Variants in UBE2E2 observed in about 807,000 individuals in gnomAD.
UBE2E2 encodes the protein ubiquitin-conjugating enzyme E2 E2.
A neutral mutation model predicts 24.7 loss-of-function variants in UBE2E2; 6 were observed. That is an observed-to-expected ratio of 0.24 (90% CI 0.13 to 0.48). The LOEUF (loss-of-function observed/expected upper bound fraction) is 0.48, where lower values mean the gene tolerates loss of function less well. Among genes scored for constraint, UBE2E2 ranks in the 20% least tolerant of loss-of-function variants. UBE2E2 has a pLI of 0.99. For missense variants in UBE2E2, 169 were observed against 245.0 expected (o/e 0.69, Z 2.07); for synonymous variants, 104 against 83.6 (o/e 1.24, Z -1.33).
intron 5 of UBE2E2, among the ~76,000 whole-genome samples, chr3:23,564,146 T>G (rs1189574352): frequency 6.6e-6 from 1 of 152,028 alleles, no homozygotes; most frequent in African/African-American, 2.4e-5. Flanking sequence ...GATTTACAAG[T>G]AAAAATATAA....
chr3:23,235,828 TGGACA>T (rs923209583), intron 3 of UBE2E2, among the ~76,000 whole-genome samples: 1 of 152,114 alleles, frequency 6.6e-6, no homozygotes, highest in Non-Finnish European at 1.5e-5. Flanking sequence ...AGTGGTTTGA[TGGACA>T]GGATCAAGAG....
intron 3 of UBE2E2, among the ~76,000 whole-genome samples, chr3:23,424,817 C>T (rs1348381054): frequency 4.6e-5 from 7 of 151,958 alleles, no homozygotes; most frequent in East Asian, 3.9e-4. Context: ...TAACTGGTAG[C>T]GTTTATTTTA....
chr3:23,290,462 A>G (rs1403749918), intron 3 of UBE2E2, among the ~76,000 whole-genome samples: 1 of 152,112 alleles, frequency 6.6e-6, no homozygotes, highest in Non-Finnish European at 1.5e-5. Flanking sequence ...ATGCCAATGT[A>G]GGTTTGAGGA....
intron 3 of UBE2E2, among the ~76,000 whole-genome samples, chr3:23,259,053 T>C (rs1559459897): frequency 6.6e-6 from 1 of 152,190 alleles, no homozygotes; most frequent in Non-Finnish European, 1.5e-5. Context: ...ACCAATTTTA[T>C]ACAGGTGAAT....
At chr3:23,350,709 A>T (rs977335239) in intron 3 of UBE2E2, among the ~76,000 whole-genome samples, 1 of 152,224 alleles carries the variant, frequency 6.6e-6, no homozygotes, top group African/African-American at 2.4e-5. Flanking sequence ...AGATATGAAC[A>T]AAGCCTCCAA....
chr3:23,389,238 G>A (rs959885370), intron 3 of UBE2E2, among the ~76,000 whole-genome samples: 2 of 152,208 alleles, frequency 1.3e-5, no homozygotes, highest in East Asian at 1.9e-4. Context: ...GCAATCCTGC[G>A]GAGCACCACC....
At chr3:23,538,610 A>G (rs1023155342) in intron 5 of UBE2E2, among the ~76,000 whole-genome samples, 4 of 152,128 alleles carry the variant, frequency 2.6e-5, no homozygotes, top group African/African-American at 9.7e-5. Flanking sequence ...CCATAGGCTT[A>G]CTCAGATGCA....
chr3:23,215,442 C>T (rs1229083593), intron 2 of UBE2E2, among the ~76,000 whole-genome samples: 1 of 152,096 alleles, frequency 6.6e-6, no homozygotes, highest in Admixed American at 6.6e-5. Flanking sequence ...TCAAATCTTT[C>T]TCTCCCCACC....
At chr3:23,334,171 A>C (rs1695143231) in intron 3 of UBE2E2, among the ~76,000 whole-genome samples, 1 of 152,230 alleles carries the variant, frequency 6.6e-6, no homozygotes, top group African/African-American at 2.4e-5. Context: ...GGTTTTTGCC[A>C]TTAAAAGTAA....
chr3:23,236,229 G>A (rs34919006), intron 3 of UBE2E2, among the ~76,000 whole-genome samples: 95,683 of 151,992 alleles, frequency 0.63, 30,572 homozygotes, highest in African/African-American at 0.69. Flanking sequence ...AAGTGAATAC[G>A]AAAGTAGAAT....
intron 3 of UBE2E2, among the ~76,000 whole-genome samples, chr3:23,477,598 G>C (rs528682903): frequency 6.6e-6 from 1 of 152,330 alleles, no homozygotes; most frequent in African/African-American, 2.4e-5. Context: ...GGATATATTT[G>C]TTGAATATAT....
chr3:23,414,504 C>T (rs1697577506), intron 3 of UBE2E2, among the ~76,000 whole-genome samples: 1 of 152,178 alleles, frequency 6.6e-6, no homozygotes, highest in Non-Finnish European at 1.5e-5. Flanking sequence ...GCCCCACCTC[C>T]AACAATGGGG....
chr3:23,274,964 C>T lies in UBE2E2; in HGVS notation c.227+57652C>T, dbSNP rs534004143. On this transcript the variant is annotated intron_variant, in intron 3 of 5. Transcript: ENST00000396703. ...TTTAGAGTGCTGGTCAGGACCTGAGCTGTATGTGGACTGTTCAATGTAATC... is the reference window on the plus strand; with the variant it reads ...TTTAGAGTGCTGGTCAGGACCTGAGTTGTATGTGGACTGTTCAATGTAATC... 3.9e-5 allele frequency among the ~76,000 whole-genome samples: 6 copies of T among 152,218 alleles called. No homozygotes were observed. The Middle Eastern group carries it at 0.01, about 259-fold the overall frequency.
At chr3:23,226,054 A>G (rs1279232054) in intron 3 of UBE2E2, among the ~76,000 whole-genome samples, 3 of 152,030 alleles carry the variant, frequency 2.0e-5, no homozygotes, top group African/African-American at 7.2e-5. Context: ...TAATGTTTGT[A>G]CTTTTAGTAG....
At chr3:23,449,825 C>T (rs759237097) in intron 3 of UBE2E2, 23 of 977,626 alleles carry the variant, frequency 2.4e-5, no homozygotes, top group Non-Finnish European at 2.8e-5. Flanking sequence ...TTAAAGCTGG[C>T]TAACAATGAA....
chr3:23,570,448 CA>C (rs1286885180), intron 5 of UBE2E2, among the ~76,000 whole-genome samples: 1 of 152,014 alleles, frequency 6.6e-6, no homozygotes, highest in Non-Finnish European at 1.5e-5. Flanking sequence ...AAAGGCTGGG[CA>C]GGGGTGGTAT....
Position 23,573,995 on chromosome 3 carries a change from T to C in UBE2E2, c.509-15739T>C, listed in dbSNP as rs973667071. On this transcript the variant is annotated intron_variant, in intron 5 of 5. Coordinates refer to ENST00000396703, the MANE Select transcript of UBE2E2 (RefSeq NM_152653.4). ...GCTTAAACAAAACACTTTGACTGAA[T>C]AAAAAAAAATGTGGTACATATATGC... is the stretch of plus-strand genomic sequence containing the variant. Among the ~76,000 whole-genome samples, 13 of 150,902 alleles carry C rather than the reference T, an allele frequency of 8.6e-5. 2 individuals carry two copies. The highest frequency in any genetic ancestry group is 2.0e-4 in the Admixed American group (3 of 15,130).
intron 3 of UBE2E2, among the ~76,000 whole-genome samples, chr3:23,229,970 A>G (rs1488730005): frequency 6.6e-6 from 1 of 152,232 alleles, no homozygotes; most frequent in African/African-American, 2.4e-5. Flanking sequence ...GGGTAAGAGT[A>G]AACTACGAGG....
chr3:23,373,871 A>T (rs745910204), intron 3 of UBE2E2, among the ~76,000 whole-genome samples: 6 of 152,194 alleles, frequency 3.9e-5, no homozygotes, highest in Non-Finnish European at 5.9e-5. Flanking sequence ...GTGTAACAAA[A>T]GCCCCAAATG....
Sources: gnomAD v4.1 joint callset for allele counts (sites outside exome capture counted in the v4.1 genomes callset) on GRCh38, gnomAD v4.1.1 for gene constraint, MANE v1.5 for transcripts, NCBI Gene and HGNC (gene_info 2026-07-23, HGNC 2026-07-21) for gene names.